GATAD2A: variants seen among roughly 807,000 people sequenced by gnomAD.
GATAD2A encodes the protein transcriptional repressor p66-alpha.
In GATAD2A, 12 loss-of-function variants were observed where a neutral mutation model predicts 68.5. That is an observed-to-expected ratio of 0.18 (90% CI 0.11 to 0.28). The LOEUF (loss-of-function observed/expected upper bound fraction) is 0.28. Ranked by LOEUF, GATAD2A falls within the 10% of genes least tolerant of loss-of-function variation. The pLI is 1.00. For synonymous variants in GATAD2A, 410 were observed against 375.3 expected (o/e 1.09, Z -1.07); for missense variants, 755 against 868.5 (o/e 0.87, Z 1.64).
At chr19:19,433,129 T>C (rs2053931171) in intron 1 of GATAD2A, among the ~76,000 whole-genome samples, 1 of 152,226 alleles carries the variant, frequency 6.6e-6, no homozygotes, top group South Asian at 2.1e-4. Context: ...TAAGACTTCT[T>C]GCCAGTTGCA....
At chr19:19,386,469 C>T (rs967424974) in intron 1 of GATAD2A, among the ~76,000 whole-genome samples, 40 of 150,992 alleles carry the variant, frequency 2.6e-4, no homozygotes, top group African/African-American at 8.5e-4. Flanking sequence ...TCCCATCTTT[C>T]TAGCGACCCC....
intron 5 of GATAD2A, among the ~76,000 whole-genome samples, chr19:19,494,790 A>T (rs903748246): frequency 2.6e-5 from 4 of 152,102 alleles, no homozygotes; most frequent in African/African-American, 9.7e-5. Context: ...CTCCCTCTCA[A>T]ACAGGCCTGA....
chr19:19,446,995 G>A (rs542712044), intron 1 of GATAD2A, among the ~76,000 whole-genome samples: 1 of 152,378 alleles, frequency 6.6e-6, no homozygotes, highest in East Asian at 1.9e-4. Context: ...TTTAACAAAT[G>A]CGTATACATT....
At chr19:19,445,738 G>T (rs1039589772) in intron 1 of GATAD2A, among the ~76,000 whole-genome samples, 9 of 152,142 alleles carry the variant, frequency 5.9e-5, no homozygotes, top group African/African-American at 2.2e-4. Context: ...GTCACATTGT[G>T]TCAGAGTTTC....
chr19:19,388,787 A>G (rs2048638956), intron 1 of GATAD2A, among the ~76,000 whole-genome samples: 1 of 151,896 alleles, frequency 6.6e-6, no homozygotes, highest in South Asian at 2.1e-4. Flanking sequence ...CCCCGTGCTG[A>G]AAAAAAATCA....
intron 5 of GATAD2A, 110 bp downstream of exon 5, chr19:19,494,493 G>A (rs759759557): frequency 5.6e-5 from 37 of 658,706 alleles, no homozygotes; most frequent in Non-Finnish European, 9.4e-5. Flanking sequence ...AAGAGGTTGC[G>A]CTTTCCTTCT....
intron 11 of GATAD2A, among the ~76,000 whole-genome samples, chr19:19,503,188 TAGGG>T (rs1389265224): frequency 6.6e-6 from 1 of 152,150 alleles, no homozygotes; most frequent in African/African-American, 2.4e-5. Context: ...GTGTCAAAAA[TAGGG>T]AAAGAAAAGG....
At chr19:19,404,038 G>T (rs2049981617), upstream of GATAD2A, among the ~76,000 whole-genome samples, 1 of 152,122 alleles carries the variant, frequency 6.6e-6, no homozygotes, top group East Asian at 1.9e-4. Context: ...TTTGTATTTT[G>T]TATCATTTTT....
intron 7 of GATAD2A, among the ~76,000 whole-genome samples, chr19:19,497,906 G>A (rs2060256733): frequency 6.6e-6 from 1 of 152,180 alleles, no homozygotes; most frequent in African/African-American, 2.4e-5. Context: ...TGGGTGGAGG[G>A]CAAGGGGAAG....
At chr19:19,387,631 T>C (rs1250824785) in intron 1 of GATAD2A, among the ~76,000 whole-genome samples, 4 of 152,176 alleles carry the variant, frequency 2.6e-5, no homozygotes, top group African/African-American at 9.7e-5. Flanking sequence ...CGCTTTTTGA[T>C]GAGTGCCTTC....
chr19:19,413,946 GC>G (rs2051270357), intron 1 of GATAD2A, among the ~76,000 whole-genome samples: 1 of 151,996 alleles, frequency 6.6e-6, no homozygotes, highest in Admixed American at 6.6e-5. Flanking sequence ...TTGTATGTGG[GC>G]CATCTGTCTC....
intron 1 of GATAD2A, among the ~76,000 whole-genome samples, chr19:19,449,998 C>T (rs1236513336): frequency 6.7e-6 from 1 of 148,634 alleles, no homozygotes; most frequent in African/African-American, 2.6e-5. Flanking sequence ...CTATGTTGCC[C>T]AGGCTGGTCT....
At chr19:19,480,182 T>C (rs1199505732) in intron 2 of GATAD2A, among the ~76,000 whole-genome samples, 3 of 152,206 alleles carry the variant, frequency 2.0e-5, no homozygotes, top group Admixed American at 6.5e-5. Flanking sequence ...TTATTTGGGA[T>C]TCTTCTGCCT....
At chr19:19,426,183 A>T (rs1429556113) in intron 1 of GATAD2A, among the ~76,000 whole-genome samples, 1 of 152,116 alleles carries the variant, frequency 6.6e-6, no homozygotes, top group African/African-American at 2.4e-5. Context: ...GTTAGATGTG[A>T]TGGGAGCTCA....
At chr19:19,479,331 G>A (rs1421838045) in intron 2 of GATAD2A, among the ~76,000 whole-genome samples, 2 of 152,170 alleles carry the variant, frequency 1.3e-5, no homozygotes, top group Non-Finnish European at 2.9e-5. Context: ...CCTCATCCCA[G>A]TCTCCACATT....
At chr19:19,393,809 T>G (rs925612638) in intron 1 of GATAD2A, among the ~76,000 whole-genome samples, 1 of 152,142 alleles carries the variant, frequency 6.6e-6, no homozygotes, top group Non-Finnish European at 1.5e-5. Flanking sequence ...AGTTGATTCA[T>G]GACCACTGTG....
chr19:19,478,335 T>C (rs1001911721), intron 2 of GATAD2A, among the ~76,000 whole-genome samples: 1 of 152,178 alleles, frequency 6.6e-6, no homozygotes, highest in African/African-American at 2.4e-5. Flanking sequence ...GCGCAGTGGC[T>C]TACGCCTGTA....
chr19:19,411,053 A>G (rs577376645), intron 1 of GATAD2A, among the ~76,000 whole-genome samples: 1 of 152,296 alleles, frequency 6.6e-6, no homozygotes, highest in East Asian at 1.9e-4. Flanking sequence ...CACCACCCTC[A>G]TGGCAAACTG....
chr19:19,459,706 C>T (rs959300775), intron 1 of GATAD2A, among the ~76,000 whole-genome samples: 1 of 152,234 alleles, frequency 6.6e-6, no homozygotes, highest in Non-Finnish European at 1.5e-5. Flanking sequence ...CCCACTGAAG[C>T]TTCTGTGTCC....
Sources: allele counts gnomAD v4.1 joint callset (sites outside exome capture counted in the v4.1 genomes callset), GRCh38; gene constraint gnomAD v4.1.1; transcripts MANE v1.5; gene names NCBI Gene and HGNC (gene_info 2026-07-23, HGNC 2026-07-21).